Variants in MARK3 observed in about 807,000 individuals in gnomAD.
The protein encoded by MARK3 is microtubule affinity regulating kinase 3, also known as MAP/microtubule affinity-regulating kinase 3.
MARK3 carries 46 observed loss-of-function variants against 90.1 expected under a neutral mutation model. The ratio of observed to expected loss-of-function variants is 0.51; its 90% confidence interval spans 0.40 to 0.65. The LOEUF (loss-of-function observed/expected upper bound fraction) is 0.65. MARK3 is among the 30% of genes least tolerant of loss of function. The probability of loss-of-function intolerance (pLI) is 0.00; values close to 1 mark genes in which losing one functional copy is unlikely to be tolerated. For synonymous variants in MARK3, 321 were observed against 332.6 expected, an observed-to-expected ratio of 0.97 and a Z score of 0.38; for missense variants, 818 against 947.2, an observed-to-expected ratio of 0.86 and a Z score of 1.79.
chr14:103,447,948 T>A (rs929151660), intron 3 of MARK3, among the ~76,000 whole-genome samples: 1 of 152,246 alleles, frequency 6.6e-6, no homozygotes, highest in Non-Finnish European at 1.5e-5. Flanking sequence ...AATTTCTGTA[T>A]TTTTAGTAGA....
intron 5 of MARK3, among the ~76,000 whole-genome samples, chr14:103,455,422 G>A (rs1217177419): frequency 6.6e-6 from 1 of 152,110 alleles, no homozygotes; most frequent in Non-Finnish European, 1.5e-5. Context: ...AGTATGTAAT[G>A]CCTTTTAAAA....
intron 2 of MARK3, among the ~76,000 whole-genome samples, chr14:103,414,029 G>A (rs548733441): frequency 9.9e-5 from 15 of 152,248 alleles, no homozygotes; most frequent in African/African-American, 3.4e-4. Flanking sequence ...GTGAACATAA[G>A]TTTTAATTTC....
chr14:103,491,008 G>C, intron 14 of MARK3: 1 of 1,288,540 alleles, frequency 7.8e-7, no homozygotes, highest in Non-Finnish European at 1.0e-6. Context: ...ACATCTACCT[G>C]TCGGCTGAGA....
intron 1 of MARK3, among the ~76,000 whole-genome samples, chr14:103,402,279 G>A (rs1022613516): frequency 1.3e-5 from 2 of 152,120 alleles, no homozygotes; most frequent in Admixed American, 6.5e-5. Flanking sequence ...CTGGCCGAGC[G>A]CGGTGGCTCA....
chr14:103,414,405 A>C (rs1185181086), intron 2 of MARK3, among the ~76,000 whole-genome samples: 1 of 152,024 alleles, frequency 6.6e-6, no homozygotes, highest in African/African-American at 2.4e-5. Flanking sequence ...GAGTTTCTCC[A>C]TGTTGGTCAG....
At chr14:103,419,808 C>CA (rs1316147237) in intron 2 of MARK3, among the ~76,000 whole-genome samples, 1 of 152,030 alleles carries the variant, frequency 6.6e-6, no homozygotes, top group Non-Finnish European at 1.5e-5. Context: ...TGATTTGCTT[C>CA]AATTAAAAAT....
At chr14:103,388,138 T>G (rs1024473955) in intron 1 of MARK3, among the ~76,000 whole-genome samples, 2 of 152,066 alleles carry the variant, frequency 1.3e-5, no homozygotes, top group African/African-American at 2.4e-5. Flanking sequence ...TCCATGTTGG[T>G]CGTGCTGGTC....
intron 12 of MARK3, among the ~76,000 whole-genome samples, chr14:103,469,812 C>A (rs1189155744): frequency 6.6e-6 from 1 of 151,862 alleles, no homozygotes; most frequent in Non-Finnish European, 1.5e-5. Context: ...CCTGTAATTC[C>A]AGCACCTTGG....
At chr14:103,457,025 C>T in intron 5 of MARK3, 117 bp from the exon 6 acceptor site, 1 of 554,708 alleles carries the variant, frequency 1.8e-6, no homozygotes. Context: ...ATATTTCTGG[C>T]TAACTTTATA....
chr14:103,491,842 A>T lies in MARK3; in HGVS notation c.1652A>T (p.Asp551Val). 6.2e-7 allele frequency: 1 copy of T among 1,614,168 alleles called. No individual in the cohort carries two copies. The highest frequency in any genetic ancestry group is 2.2e-5 in the East Asian group (1 of 44,884). ...AGTATCAGTAGTGCAGCCACCCCAG[A>T]TCGAATCCGCTTCCCAAGAGGCACT... ...THSISSAATP[D>V]RIRFPRGTAS... Residue 551 changes from aspartate (D) to valine (V), a missense_variant, in exon 15 of 18, where the codon GAT becomes GTT. This residue lies in a region of MARK3 where 560 missense variants were observed against 613.5 expected (regional missense o/e 0.91). Transcript: ENST00000429436.
rs1369749788 is a variant in MARK3 at position 103,468,298 on chromosome 14, G to GCTTT, written c.1264+124_1264+127dup. 9.1e-5 allele frequency: 40 copies of GCTTT among 441,570 alleles called. 1 individual carries two copies. Among genetic ancestry groups the GCTTT allele is most frequent in the Non-Finnish European group, 1.3e-4 (36 of 268,914 alleles). The allele number at this position is 441,570 out of a possible 1,614,324, so 27.4% of individuals were successfully genotyped here. Reference sequence around the variant, plus strand: ...TGGCTTGATGTCCTTTCTTGGCATTGCTTTCTTTCTTTCTTCTTTTTTTTT... The same window carrying GCTTT: ...TGGCTTGATGTCCTTTCTTGGCATTGCTTTCTTTCTTTCTTTCTTCTTTTTTTTT... On this transcript the variant is annotated intron_variant, in intron 12 of 17. Coordinates refer to ENST00000429436, the MANE Select transcript of MARK3 (RefSeq NM_001128918.3).
At chr14:103,435,550 A>G (rs1390431905) in intron 3 of MARK3, among the ~76,000 whole-genome samples, 2 of 151,964 alleles carry the variant, frequency 1.3e-5, no homozygotes, top group African/African-American at 4.8e-5. Context: ...CTGGGACTAC[A>G]AGCACCCGCC....
chr14:103,443,266 T>C (rs1235636280), intron 3 of MARK3, among the ~76,000 whole-genome samples: 2 of 152,178 alleles, frequency 1.3e-5, no homozygotes, highest in African/African-American at 4.8e-5. Context: ...TTCTTTGAGA[T>C]CTACTGTGAG....
At position 103,468,172 on chromosome 14, in the gene MARK3, G is replaced by A. The variant is rs770729536; in HGVS notation, c.1250G>A (p.Arg417His). The change falls in exon 12 of 18, where the codon CGC becomes CAC. Residue 417 changes from arginine (R) to histidine (H), a missense_variant. Coordinates refer to ENST00000429436, the MANE Select transcript of MARK3 (RefSeq NM_001128918.3). ...RSVSSSQKQRRYSDHAGPAIP... is the reference protein window; with the variant it reads ...RSVSSSQKQRHYSDHAGPAIP... Reference sequence around the variant, plus strand: ...GTTTCTTCAAGCCAAAAGCAAAGACGCTACAGTGACCATGGTAAGTTTTGG... The same window carrying A: ...GTTTCTTCAAGCCAAAAGCAAAGACACTACAGTGACCATGGTAAGTTTTGG... The A allele has an allele frequency of 4.3e-6, 7 of 1,613,652 alleles. No homozygotes were observed. The highest frequency in any genetic ancestry group is 1.3e-5 in the African/African-American group (1 of 74,876).
chr14:103,423,380 C>G (rs745464597), intron 2 of MARK3, among the ~76,000 whole-genome samples: 1 of 151,944 alleles, frequency 6.6e-6, no homozygotes, highest in Non-Finnish European at 1.5e-5. Flanking sequence ...ATGAGCTGTC[C>G]CATCCCTATT....
chr14:103,405,464 C>T (rs1222459423), intron 2 of MARK3, among the ~76,000 whole-genome samples, 197 bp downstream of exon 2: 1 of 152,114 alleles, frequency 6.6e-6, no homozygotes, highest in Non-Finnish European at 1.5e-5. Flanking sequence ...CATTCTCCTG[C>T]CTCAGCCTCC....
At chr14:103,434,359 C>A (rs139882848) in intron 3 of MARK3, among the ~76,000 whole-genome samples, 2 of 152,152 alleles carry the variant, frequency 1.3e-5, no homozygotes, top group Admixed American at 1.3e-4. Flanking sequence ...ATTCCGTGAC[C>A]GGGCTAAGTA....
At chr14:103,422,625 A>C (rs2092263445) in intron 2 of MARK3, among the ~76,000 whole-genome samples, 1 of 152,108 alleles carries the variant, frequency 6.6e-6, no homozygotes, top group Non-Finnish European at 1.5e-5. Flanking sequence ...AAATCCCTTC[A>C]CTACCCCACC....
intron 2 of MARK3, among the ~76,000 whole-genome samples, chr14:103,420,420 A>G (rs7152202): frequency 0.34 from 51,276 of 151,856 alleles, 9,004 homozygotes; most frequent in Middle Eastern, 0.46. Flanking sequence ...CTACAGAGAC[A>G]AAGCATCCCC....
Sources: gnomAD v4.1 joint callset for allele counts (sites outside exome capture counted in the v4.1 genomes callset) on GRCh38, gnomAD v4.1.1 for gene constraint, gnomAD v4.1.1 regional missense constraint, MANE v1.5 for transcripts, NCBI Gene and HGNC (gene_info 2026-07-23, HGNC 2026-07-21) for gene names.